Variants in ART3 observed in about 807,000 individuals in gnomAD.
ART3 encodes the protein ecto-ADP-ribosyltransferase 3.
A neutral mutation model predicts 48.5 loss-of-function variants in ART3; 49 were observed. The ratio of observed to expected loss-of-function variants is 1.01; its 90% CI spans 0.80 to 1.28. The LOEUF (loss-of-function observed/expected upper bound fraction) is 1.28. Ranked by LOEUF, ART3 falls within the 50% of genes most tolerant of loss-of-function variation. The probability of loss-of-function intolerance (pLI) is 0.00; values close to 1 mark genes in which losing one functional copy is unlikely to be tolerated. For synonymous variants in ART3, 145 were observed against 157.2 expected, an observed-to-expected ratio of 0.92 and a Z score of 0.58; for missense variants, 438 against 454.3, an observed-to-expected ratio of 0.96 and a Z score of 0.33.
intron 3 of ART3, among the ~76,000 whole-genome samples, chr4:76,084,590 C>T (rs1300764437): frequency 1.3e-5 from 2 of 152,188 alleles, no homozygotes; most frequent in Non-Finnish European, 2.9e-5. Flanking sequence ...TTATTCCCAA[C>T]ATTCTGAAAT....
At chr4:76,094,883 T>A (rs1034623281) in intron 3 of ART3, among the ~76,000 whole-genome samples, 1 of 152,230 alleles carries the variant, frequency 6.6e-6, no homozygotes, top group African/African-American at 2.4e-5. Context: ...TCTGGAAAAA[T>A]TTTAAACTAC....
intron 1 of ART3, chr4:76,036,058 A>G: frequency 7.1e-7 from 1 of 1,411,516 alleles, no homozygotes; most frequent in Non-Finnish European, 1.0e-6. Context: ...TGGAAGGAGT[A>G]GAAATGCTGA....
intron 1 of ART3, among the ~76,000 whole-genome samples, chr4:76,037,792 A>G (rs893904319): frequency 6.6e-6 from 1 of 152,136 alleles, no homozygotes; most frequent in Non-Finnish European, 1.5e-5. Flanking sequence ...AATCACTGTA[A>G]CTTTCTTTCA....
chr4:76,110,385 G>A (rs564934877), intron 11 of ART3, among the ~76,000 whole-genome samples: 30 of 152,254 alleles, frequency 2.0e-4, no homozygotes, highest in African/African-American at 6.5e-4. Flanking sequence ...ATTTATGTAT[G>A]CTATTTTATA....
rs749029946 is a variant in ART3, at chr4:76,035,927, C to A, written c.-10+24607C>A. On this transcript the variant is annotated intron_variant, in intron 1 of 9. Coordinates refer to the ART3 transcript ENST00000341029. The stretch of plus-strand genomic sequence containing the variant: ...TTGAGAAATAAAAATTACTGCATAC[C>A]TTGAACAACTGTAGCACACAATATC... 2.5e-6 allele frequency: 4 copies of A among 1,611,852 alleles called. No homozygotes were observed. In the East Asian group the frequency reaches 8.9e-5, roughly 36 times the overall value.
At chr4:76,080,522 A>T (rs1381182267) in intron 2 of ART3, among the ~76,000 whole-genome samples, 5 of 151,754 alleles carry the variant, frequency 3.3e-5, no homozygotes, top group African/African-American at 9.7e-5. Flanking sequence ...TTTATTTTTT[A>T]TTTTTTGAGA....
rs920139973 is a variant in ART3, at chr4:76,083,928, C to T, written c.781+1393C>T. Among the ~76,000 whole-genome samples the T allele has an allele frequency of 9.7e-4, 147 of 152,152 alleles. 1 individual carries two copies. The highest frequency in any genetic ancestry group is 2.9e-4 in the Non-Finnish European group (20 of 68,034). On this transcript the variant is annotated intron_variant, in intron 3 of 11. Transcript: ENST00000355810. ...TTCTGAAAGCCAACACCCTCCTTCC[C>T]AATGTACGTCCATTTCCCCCTTCCC...
At chr4:76,100,648 A>AAATT in intron 6 of ART3, 147 bp from the exon 7 acceptor site, 1 of 926,874 alleles carries the variant, frequency 1.1e-6, no homozygotes. Flanking sequence ...AAAAAAAAAA[A>AAATT]TTCTGGGGGC....
intron 1 of ART3, among the ~76,000 whole-genome samples, chr4:76,048,268 T>A (rs1280266987): frequency 6.6e-6 from 1 of 151,886 alleles, no homozygotes; most frequent in East Asian, 1.9e-4. Flanking sequence ...CCCTTCCTTC[T>A]TACAGAAAAG....
chr4:76,077,641 T>G (rs1327803809), intron 2 of ART3, among the ~76,000 whole-genome samples: 2 of 152,182 alleles, frequency 1.3e-5, no homozygotes, highest in African/African-American at 4.8e-5. Context: ...AAGAATGAAT[T>G]TGGGGGTTAT....
At chr4:76,022,312 C>G in intron 1 of ART3, 2 of 1,442,268 alleles carry the variant, frequency 1.4e-6, no homozygotes, top group South Asian at 1.1e-5. Context: ...TTTCTGACTC[C>G]CAAGATTGCC....
chr4:76,112,220 G>A (rs1263016683), intron 11 of ART3, among the ~76,000 whole-genome samples, 166 bp from the exon 12 acceptor site: 1 of 152,190 alleles, frequency 6.6e-6, no homozygotes, highest in Non-Finnish European at 1.5e-5. Flanking sequence ...CCTGAAATCT[G>A]TAATGAATTA....
chr4:76,093,065 A>G (rs1294794130), intron 3 of ART3, among the ~76,000 whole-genome samples: 1 of 152,116 alleles, frequency 6.6e-6, no homozygotes, highest in Non-Finnish European at 1.5e-5. Flanking sequence ...TGCTTTTTCC[A>G]GCTTCCAGAG....
At chr4:76,103,519 C>T (rs1727804033) in intron 8 of ART3, among the ~76,000 whole-genome samples, 1 of 152,092 alleles carries the variant, frequency 6.6e-6, no homozygotes, top group Non-Finnish European at 1.5e-5. Flanking sequence ...AACTACAAAC[C>T]TAAGAGGTAA....
rs199671467 is a variant in ART3 at position 76,081,964 on chromosome 4, G to A, written c.210G>A (p.Trp70Ter). The change falls in exon 3 of 12, where the codon TGG (tryptophan) becomes TGA (stop). Residue 70 changes from tryptophan to a stop codon, truncating the protein, a stop_gained. Coordinates refer to ENST00000355810, the MANE Select transcript of ART3 (RefSeq NM_001130016.3). LOFTEE classifies it high-confidence loss of function. ...KASHQQLDTV[W>*]ENAKAKWAAR... ...GCCACCAGCAATTAGATACTGTGTGGGAAAATGCAAAAGCCAAATGGGCAG... is the reference window on the plus strand; with the variant it reads ...GCCACCAGCAATTAGATACTGTGTGAGAAAATGCAAAAGCCAAATGGGCAG... 1.5e-5 allele frequency: 25 copies of A among 1,614,130 alleles called. No homozygotes were observed. The East Asian group carries it at 1.8e-4, about 12-fold the overall frequency.
intron 1 of ART3, among the ~76,000 whole-genome samples, chr4:76,043,802 C>T (rs1333785869): frequency 1.3e-5 from 2 of 150,248 alleles, no homozygotes; most frequent in East Asian, 2.0e-4. Context: ...GAGGAGGTAC[C>T]AAGAGCAAGC....
At chr4:76,061,127 A>T (rs1016718053) in intron 1 of ART3, among the ~76,000 whole-genome samples, 2 of 152,206 alleles carry the variant, frequency 1.3e-5, no homozygotes, top group African/African-American at 4.8e-5. Flanking sequence ...AATTTAAATG[A>T]CTATCTCAGA....
chr4:76,037,753 T>G (rs1248557741), intron 1 of ART3, among the ~76,000 whole-genome samples: 1 of 152,240 alleles, frequency 6.6e-6, no homozygotes, highest in Non-Finnish European at 1.5e-5. Flanking sequence ...AATAATATTT[T>G]TTTAGCTCCT....
At chr4:76,087,759 C>T (rs560515901) in intron 3 of ART3, among the ~76,000 whole-genome samples, 2 of 152,240 alleles carry the variant, frequency 1.3e-5, no homozygotes, top group South Asian at 2.1e-4. Context: ...TGGTCATAGA[C>T]ATTAATCTTG....
Sources: gnomAD v4.1 joint callset for allele counts (sites outside exome capture counted in the v4.1 genomes callset) on GRCh38, gnomAD v4.1.1 for gene constraint, MANE v1.5 for transcripts, NCBI Gene and HGNC (gene_info 2026-07-23, HGNC 2026-07-21) for gene names.